The following PRKAR2B variants were observed in gnomAD, a reference collection of about 807,000 sequenced individuals.
PRKAR2B encodes the protein protein kinase cAMP-dependent type II regulatory subunit beta.
A neutral mutation model predicts 49.9 loss-of-function variants in PRKAR2B; 14 were observed. The observed-to-expected ratio is 0.28, with a 90% CI of 0.19 to 0.44. The LOEUF (loss-of-function observed/expected upper bound fraction) is 0.44. Among genes scored for constraint, PRKAR2B ranks in the 20% least tolerant of loss-of-function variants. The probability of loss-of-function intolerance (pLI) is 1.00; values close to 1 mark genes in which losing one functional copy is unlikely to be tolerated. For missense variants in PRKAR2B, 393 were observed against 537.9 expected, an observed-to-expected ratio of 0.73 and a Z score of 2.67; for synonymous variants, 196 against 197.7, an observed-to-expected ratio of 0.99 and a Z score of 0.07.
intron 1 of PRKAR2B, among the ~76,000 whole-genome samples, chr7:107,056,186 G>A (rs1319120848): frequency 2.6e-5 from 4 of 152,112 alleles, no homozygotes; most frequent in African/African-American, 9.7e-5. Context: ...TCTCTGTTGT[G>A]GTACCAGTAC....
chr7:107,091,748 A>G (rs1430401164), intron 2 of PRKAR2B: 1 of 152,220 alleles, frequency 6.6e-6, no homozygotes, highest in African/African-American at 2.4e-5. Context: ...TTGTAGGGCT[A>G]TGTGACAGTC....
At chr7:107,096,298 T>C (rs1266053876) in intron 2 of PRKAR2B, among the ~76,000 whole-genome samples, 2 of 152,190 alleles carry the variant, frequency 1.3e-5, no homozygotes, top group African/African-American at 4.8e-5. Context: ...CATAGAGGTG[T>C]TTATAGTATT....
At chr7:107,142,709 G>C (rs543008895) in intron 5 of PRKAR2B, among the ~76,000 whole-genome samples, 1 of 151,956 alleles carries the variant, frequency 6.6e-6, no homozygotes. Flanking sequence ...CTTGCCTGCC[G>C]GAGGCCTTGT....
At chr7:107,151,096 T>C (rs1178868127) in intron 7 of PRKAR2B, 73 bp downstream of exon 7, 3 of 859,964 alleles carry the variant, frequency 3.5e-6, no homozygotes, top group Non-Finnish European at 3.3e-6. Flanking sequence ...TTTAGTTCTA[T>C]AGAAAAATTT....
chr7:107,153,846 G>A (rs1796032108), intron 8 of PRKAR2B, among the ~76,000 whole-genome samples: 1 of 152,170 alleles, frequency 6.6e-6, no homozygotes, highest in Non-Finnish European at 1.5e-5. Context: ...ATAGTACCTT[G>A]TTTCCTAGTT....
chr7:107,109,084 A>G (rs1795127351), intron 2 of PRKAR2B, among the ~76,000 whole-genome samples: 1 of 152,140 alleles, frequency 6.6e-6, no homozygotes, highest in African/African-American at 2.4e-5. Context: ...TGAACTTTCT[A>G]GAAAAGGGGT....
chr7:107,083,520 A>G (rs1192227340), intron 2 of PRKAR2B, among the ~76,000 whole-genome samples: 2 of 152,004 alleles, frequency 1.3e-5, no homozygotes, highest in African/African-American at 4.8e-5. Flanking sequence ...TATTATCTCC[A>G]TTTTACAGGT....
At chr7:107,156,888 T>G in intron 8 of PRKAR2B, 96 bp from the exon 9 acceptor site, 1 of 1,028,044 alleles carries the variant, frequency 9.7e-7, no homozygotes, top group Non-Finnish European at 1.5e-6. Flanking sequence ...TATGTGTACT[T>G]TGGGGTTGGA....
intron 1 of PRKAR2B, among the ~76,000 whole-genome samples, chr7:107,062,490 A>C (rs763657935): frequency 6.6e-6 from 1 of 152,216 alleles, no homozygotes; most frequent in Non-Finnish European, 1.5e-5. Context: ...TGTTTGCATG[A>C]AGTTCAAAGA....
At chr7:107,067,064 C>G (rs945836500) in intron 1 of PRKAR2B, 8 of 152,414 alleles carry the variant, frequency 5.2e-5, no homozygotes, top group African/African-American at 1.7e-4. Flanking sequence ...ATGCTTCACC[C>G]CCTCCCTGCC....
Position 107,084,646 on chromosome 7 carries a change from A to G in PRKAR2B, c.343+14330A>G, listed in dbSNP as rs1794581274. On this transcript the variant is annotated intron_variant, in intron 2 of 10. Transcript: ENST00000265717. ...TACTTTTTTTTTTTTTTTGAGATGG[A>G]GTCTTGCTCTGTCACCCACACTGGA... Among the ~76,000 whole-genome samples the G allele has an allele frequency of 4.1e-5, 6 of 147,732 alleles. No individual in the cohort carries two copies. In the Admixed American group the frequency reaches 4.1e-4, roughly 10 times the overall value.
intron 8 of PRKAR2B, among the ~76,000 whole-genome samples, chr7:107,153,513 A>C (rs962795072): frequency 2.6e-5 from 4 of 152,220 alleles, no homozygotes; most frequent in Non-Finnish European, 5.9e-5. Context: ...GTCATTTATA[A>C]GAGGAAAAAA....
At chr7:107,045,352 G>A in intron 1 of PRKAR2B, 138 bp downstream of exon 1, 1 of 717,016 alleles carries the variant, frequency 1.4e-6, no homozygotes, top group South Asian at 2.0e-5. Flanking sequence ...TTCCCATCTC[G>A]CCCACCCCCT....
At chr7:107,130,030 A>G (rs1158148152) in intron 4 of PRKAR2B, among the ~76,000 whole-genome samples, 1 of 151,358 alleles carries the variant, frequency 6.6e-6, no homozygotes, top group Non-Finnish European at 1.5e-5. Flanking sequence ...AATGCAGCCC[A>G]GTAGGTTTCA....
chr7:107,097,489 G>A (rs1658138709), intron 2 of PRKAR2B, among the ~76,000 whole-genome samples: 1 of 152,098 alleles, frequency 6.6e-6, no homozygotes, highest in Non-Finnish European at 1.5e-5. Context: ...CTTTTAATTG[G>A]AGCATTTAGC....
chr7:107,151,093 C>A (rs1795977723), intron 7 of PRKAR2B, 70 bp downstream of exon 7: 3 of 886,142 alleles, frequency 3.4e-6, no homozygotes, highest in South Asian at 2.7e-5. Context: ...ATATTTAGTT[C>A]TATAGAAAAA....
chr7:107,132,443 G>A (rs1401590487), intron 4 of PRKAR2B, among the ~76,000 whole-genome samples: 1 of 152,206 alleles, frequency 6.6e-6, no homozygotes, highest in Non-Finnish European at 1.5e-5. Context: ...TTAAAGAGGG[G>A]AGAAAAACAG....
intron 2 of PRKAR2B, among the ~76,000 whole-genome samples, chr7:107,118,310 T>TTTCATTCATTCATTCA (rs34651958): frequency 1.3e-5 from 2 of 151,200 alleles, no homozygotes; most frequent in African/African-American, 4.9e-5. Context: ...TTGAGCAAGT[T>TTTCATTCATTCATTCA]TTCATTCATT....
chr7:107,145,370 T>G (rs991627734), intron 5 of PRKAR2B, among the ~76,000 whole-genome samples: 1 of 152,246 alleles, frequency 6.6e-6, no homozygotes, highest in Admixed American at 6.5e-5. Flanking sequence ...CTAGTAAGTT[T>G]TGTAGAGTAG....
Sources: allele counts gnomAD v4.1 joint callset (sites outside exome capture counted in the v4.1 genomes callset), GRCh38; gene constraint gnomAD v4.1.1; transcripts MANE v1.5; gene names NCBI Gene and HGNC (gene_info 2026-07-23, HGNC 2026-07-21).